BANF2: variants seen among roughly 807,000 people sequenced by gnomAD.
BANF2 encodes the protein barrier-to-autointegration factor-like protein.
Under a neutral mutation model 8.0 loss-of-function variants are expected in BANF2, and 4 were observed. That is an observed-to-expected ratio of 0.50 (90% CI 0.25 to 1.14). BANF2 has a LOEUF of 1.14. Ranked by LOEUF, BANF2 falls within the 50% of genes most tolerant of loss-of-function variation. The pLI is 0.16. For synonymous variants in BANF2, 50 were observed against 40.6 expected (o/e 1.23, Z -0.88); for missense variants, 96 against 107.5 (o/e 0.89, Z 0.47).
intron 2 of BANF2, among the ~76,000 whole-genome samples, chr20:17,723,102 A>G (rs777238875): frequency 6.6e-6 from 1 of 152,178 alleles, no homozygotes; most frequent in African/African-American, 2.4e-5. Context: ...TCATAGTCCC[A>G]TATTGTAAGG....
chr20:17,695,072 G>A (rs1453120128), upstream of BANF2, among the ~76,000 whole-genome samples: 6 of 152,136 alleles, frequency 3.9e-5, no homozygotes. Flanking sequence ...GACTCTGTTT[G>A]CAAAACTCCA....
At chr20:17,702,735 A>G (rs6080788) in intron 1 of BANF2, among the ~76,000 whole-genome samples, 28,122 of 152,140 alleles carry the variant, frequency 0.18, 3,094 homozygotes, top group African/African-American at 0.31. Flanking sequence ...CCAAGAACAC[A>G]TGGTCTGACC....
chr20:17,725,175 C>G lies in BANF2; in HGVS notation c.126+24C>G, dbSNP rs146764041. 8.1e-6 allele frequency: 13 copies of G among 1,600,398 alleles called. No individual in the cohort carries two copies. The East Asian group carries it at 2.2e-4, about 27-fold the overall frequency. ...AGGTAATTCATATTTTCTTACTTCT[C>G]TGACTTCTCTTCCCTACCTTTCTTC... On this transcript the variant is annotated intron_variant, in intron 3 of 3. Transcript: ENST00000246090.
At chr20:17,708,794 C>A (rs1221945428) in intron 1 of BANF2, among the ~76,000 whole-genome samples, 2 of 152,166 alleles carry the variant, frequency 1.3e-5, no homozygotes, top group Non-Finnish European at 2.9e-5. Flanking sequence ...TCTTTCCCAA[C>A]AATCCAGTGT....
rs147533883 is a variant in BANF2 at position 17,728,815 on chromosome 20, CCAGA to C, written c.126+3668_126+3671del. Among the ~76,000 whole-genome samples, 1,213 of 152,262 alleles carry C rather than the reference CCAGA, an allele frequency of 8.0e-3. 11 individuals are homozygous for C. Among genetic ancestry groups the C allele is most frequent in the African/African-American group, 0.026 (1,094 of 41,546 alleles). ...TCAGCTGTGGCCTGAGGATCTAGAT[CCAGA>C]CAGCGGCCGCAGGTACCTGTGCCCT... is the stretch of plus-strand genomic sequence containing the variant. On this transcript the variant is annotated intron_variant, in intron 3 of 3. Transcript: ENST00000246090.
chr20:17,698,230 A>T (rs573957198), upstream of BANF2, among the ~76,000 whole-genome samples: 272 of 151,594 alleles, frequency 1.8e-3, 4 homozygotes, highest in African/African-American at 6.0e-3. Flanking sequence ...ATAATAATAA[A>T]AAAAAAAGGT....
chr20:17,714,523 A>T lies in BANF2; in HGVS notation c.-166-8193A>T, dbSNP rs59946735. Among the ~76,000 whole-genome samples, 776 of 152,324 alleles carry T rather than the reference A, an allele frequency of 5.1e-3. 3 individuals are homozygous for T. Among genetic ancestry groups the T allele is most frequent in the African/African-American group, 0.017 (721 of 41,568 alleles). On this transcript the variant is annotated intron_variant, in intron 1 of 3. Transcript: ENST00000246090. ...AAAGGTTGGGAGACAGAGTCATGGG[A>T]CAAGGAAGGTGGAGGCTGCACAAGC...
rs376488798 is a variant in BANF2, at chr20:17,735,312, A to G, written c.127-353A>G. 2.0e-5 allele frequency among the ~76,000 whole-genome samples: 3 copies of G among 152,116 alleles called. No homozygotes were observed. In the East Asian group the frequency reaches 5.8e-4, roughly 29 times the overall value. On this transcript the variant is annotated intron_variant, in intron 3 of 3. Transcript: ENST00000246090. ...TGTCCCTGGACCAGCAGCAGCTGGGAGCATGTTAGAAATGCAGGCCTCTCC... is the reference window on the plus strand; with the variant it reads ...TGTCCCTGGACCAGCAGCAGCTGGGGGCATGTTAGAAATGCAGGCCTCTCC...
intron 1 of BANF2, among the ~76,000 whole-genome samples, chr20:17,703,508 G>A (rs966052915): frequency 6.6e-6 from 1 of 152,172 alleles, no homozygotes; most frequent in Non-Finnish European, 1.5e-5. Context: ...GAGCACAGCG[G>A]CCTAGAACAG....
upstream of BANF2, among the ~76,000 whole-genome samples, chr20:17,698,891 C>G (rs12624762): frequency 6.6e-6 from 1 of 152,206 alleles, no homozygotes; most frequent in Non-Finnish European, 1.5e-5. Flanking sequence ...CCAGCAACCC[C>G]TGAATACTGC....
At position 17,725,065 on chromosome 20, in the gene BANF2, G is replaced by A. The variant is rs375278663; in HGVS notation, c.40G>A (p.Glu14Lys). ...MSPRLRAFLS[E>K]PIGEKDVCWV... ...TCCCAGGCTGAGAGCCTTCCTCTCC[G>A]AACCCATTGGAGAAAAGGATGTCTG... Residue 14 changes from glutamate to lysine, a missense_variant, in exon 3 of 4, where the codon GAA (glutamate) becomes AAA (lysine). Glu to Lys is a moderately conservative substitution (Grantham distance 56). Coordinates refer to ENST00000246090, the MANE Select transcript of BANF2 (RefSeq NM_178477.5). 1.3e-5 allele frequency: 21 copies of A among 1,607,620 alleles called. No individual in the cohort carries two copies. Among genetic ancestry groups the A allele is most frequent in the Admixed American group, 3.3e-5 (2 of 60,006 alleles).
chr20:17,718,330 G>A (rs1297652973), intron 1 of BANF2, among the ~76,000 whole-genome samples: 1 of 152,056 alleles, frequency 6.6e-6, no homozygotes, highest in Non-Finnish European at 1.5e-5. Flanking sequence ...TCAGCCTCCC[G>A]AGTAGCTGGG....
At chr20:17,724,227 A>G (rs747640648) in intron 2 of BANF2, among the ~76,000 whole-genome samples, 4 of 152,216 alleles carry the variant, frequency 2.6e-5, no homozygotes, top group Non-Finnish European at 5.9e-5. Flanking sequence ...TAGTTTTGCT[A>G]AGACAGAGAG....
chr20:17,697,692 G>T (rs566005402), upstream of BANF2, among the ~76,000 whole-genome samples: 1 of 152,322 alleles, frequency 6.6e-6, no homozygotes, highest in Admixed American at 6.5e-5. Flanking sequence ...GGCAGGGGAT[G>T]GGGGCAACAA....
At chr20:17,725,185 T>A (rs1391083027) in intron 3 of BANF2, 34 bp downstream of exon 3, 2 of 1,587,676 alleles carry the variant, frequency 1.3e-6, no homozygotes, top group Non-Finnish European at 1.7e-6. Context: ...CTGACTTCTC[T>A]TCCCTACCTT....
chr20:17,704,265 T>C (rs1374874042), intron 1 of BANF2, among the ~76,000 whole-genome samples: 1 of 152,228 alleles, frequency 6.6e-6, no homozygotes, highest in Non-Finnish European at 1.5e-5. Flanking sequence ...GCTTCTCAAC[T>C]TTGATCATGC....
chr20:17,721,537 G>A (rs923435853), intron 1 of BANF2, among the ~76,000 whole-genome samples: 2 of 152,026 alleles, frequency 1.3e-5, no homozygotes, highest in African/African-American at 4.8e-5. Flanking sequence ...GATTACAGGT[G>A]CACACCACTA....
chr20:17,735,545 C>A, intron 3 of BANF2, 120 bp from the exon 4 acceptor site: 2 of 1,194,760 alleles, frequency 1.7e-6, no homozygotes, highest in East Asian at 2.4e-5. Flanking sequence ...TCCCTTGAAT[C>A]GGCCCTGCTC....
chr20:17,722,185 T>C (rs2037741449), intron 1 of BANF2, among the ~76,000 whole-genome samples: 1 of 152,256 alleles, frequency 6.6e-6, no homozygotes, highest in African/African-American at 2.4e-5. Context: ...TCACTGCCTA[T>C]GTCCACACCC....
Sources: gnomAD v4.1 joint callset for allele counts (sites outside exome capture counted in the v4.1 genomes callset) on GRCh38, gnomAD v4.1.1 for gene constraint, MANE v1.5 for transcripts, NCBI Gene and HGNC (gene_info 2026-07-23, HGNC 2026-07-21) for gene names.